Variants in SPATA6 observed in about 807,000 individuals in gnomAD.
SPATA6 encodes the protein spermatogenesis-associated protein 6.
A neutral mutation model predicts 65.3 loss-of-function variants in SPATA6; 56 were observed. The ratio of observed to expected loss-of-function variants is 0.86; its 90% CI spans 0.69 to 1.07. The LOEUF is 1.07. SPATA6 is among the 50% of genes least tolerant of loss of function. The pLI, the probability that SPATA6 is intolerant of heterozygous loss-of-function variation, is 0.00. For synonymous variants in SPATA6, 199 were observed against 213.2 expected, an observed-to-expected ratio of 0.93 and a Z score of 0.58; for missense variants, 590 against 594.8, an observed-to-expected ratio of 0.99 and a Z score of 0.08.
intron 3 of SPATA6, among the ~76,000 whole-genome samples, chr1:48,448,924 G>A (rs1257423271): frequency 2.0e-5 from 3 of 151,988 alleles, no homozygotes; most frequent in Non-Finnish European, 4.4e-5. Flanking sequence ...GACTTTTTGG[G>A]GTGGTAGAGA....
the SPATA6 span, among the ~76,000 whole-genome samples, chr1:48,280,332 C>T: frequency 4.6e-5 from 7 of 152,128 alleles, no homozygotes; most frequent in East Asian, 1.3e-3. Flanking sequence ...TAACTAAAAT[C>T]AGAGCAGAAC....
intron 11 of SPATA6, among the ~76,000 whole-genome samples, chr1:48,311,831 G>T (rs987530530): frequency 3.3e-5 from 5 of 152,204 alleles, no homozygotes; most frequent in Non-Finnish European, 5.9e-5. Flanking sequence ...AAGGAAAAGG[G>T]TGACAGATGG....
intron 9 of SPATA6, among the ~76,000 whole-genome samples, chr1:48,384,278 T>C (rs1242683764): frequency 1.5e-5 from 2 of 134,778 alleles, no homozygotes; most frequent in Non-Finnish European, 3.2e-5. Context: ...TGAGCCGAGA[T>C]GGCAGCAGTA....
At chr1:48,456,907 G>A (rs1657047906) in intron 1 of SPATA6, among the ~76,000 whole-genome samples, 1 of 152,044 alleles carries the variant, frequency 6.6e-6, no homozygotes, top group Non-Finnish European at 1.5e-5. Context: ...AATAGAATGA[G>A]AGCCTCAGAA....
At chr1:48,285,884 G>T in the SPATA6 span, among the ~76,000 whole-genome samples, 1 of 152,094 alleles carries the variant, frequency 6.6e-6, no homozygotes, top group African/African-American at 2.4e-5. Flanking sequence ...TTCCTATTCA[G>T]CCATCTTGCC....
At chr1:48,386,564 G>A (rs1355845806) in intron 8 of SPATA6, among the ~76,000 whole-genome samples, 2 of 152,170 alleles carry the variant, frequency 1.3e-5, no homozygotes, top group Non-Finnish European at 2.9e-5. Context: ...CTAAAGCAAG[G>A]AAGGAGAAGG....
chr1:48,291,458 G>A (rs531388305), downstream of SPATA6, among the ~76,000 whole-genome samples: 2 of 152,296 alleles, frequency 1.3e-5, no homozygotes, highest in East Asian at 1.9e-4. Context: ...ATGTTCCCAG[G>A]AGGAATATGG....
chr1:48,370,919 G>A (rs1570348182), intron 9 of SPATA6, among the ~76,000 whole-genome samples: 1 of 152,154 alleles, frequency 6.6e-6, no homozygotes, highest in African/African-American at 2.4e-5. Context: ...ACACAGCTAA[G>A]GAACAAACTG....
chr1:48,467,577 C>T (rs1029560639), intron 1 of SPATA6, among the ~76,000 whole-genome samples: 8 of 152,034 alleles, frequency 5.3e-5, no homozygotes, highest in African/African-American at 1.4e-4. Flanking sequence ...CAACCATCAA[C>T]AAGAGAATGG....
intron 3 of SPATA6, among the ~76,000 whole-genome samples, chr1:48,422,061 C>A (rs937716861): frequency 6.6e-6 from 1 of 151,928 alleles, no homozygotes; most frequent in Non-Finnish European, 1.5e-5. Flanking sequence ...CAGTCCAATA[C>A]AGATTTGGAA....
chr1:48,363,805 TTTA>T (rs1420961051), intron 9 of SPATA6, among the ~76,000 whole-genome samples: 1 of 151,644 alleles, frequency 6.6e-6, no homozygotes, highest in African/African-American at 2.4e-5. Flanking sequence ...TTAAATTTAT[TTTA>T]TTATTATTAT....
intron 6 of SPATA6, chr1:48,400,851 G>T (rs1449967095): frequency 5.5e-6 from 7 of 1,262,938 alleles, no homozygotes; most frequent in Non-Finnish European, 7.2e-6. Flanking sequence ...CTTGTTCAAT[G>T]ATTTCAAAAA....
chr1:48,373,205 A>G (rs1052705531), intron 9 of SPATA6, among the ~76,000 whole-genome samples: 3 of 152,260 alleles, frequency 2.0e-5, no homozygotes, highest in Non-Finnish European at 4.4e-5. Context: ...TGCCTTTAAT[A>G]GCACCCAAGT....
intron 3 of SPATA6, among the ~76,000 whole-genome samples, chr1:48,426,299 G>T (rs1254383805): frequency 6.6e-6 from 1 of 152,138 alleles, no homozygotes; most frequent in Non-Finnish European, 1.5e-5. Flanking sequence ...AACTGGAAAG[G>T]GGTTTGTTCA....
chr1:48,393,718 A>G (rs998892848), intron 8 of SPATA6, among the ~76,000 whole-genome samples: 4 of 152,098 alleles, frequency 2.6e-5, no homozygotes, highest in Non-Finnish European at 5.9e-5. Context: ...AGTTCTGAAG[A>G]CTGAAAATTA....
chr1:48,399,400 G>A lies in SPATA6; in HGVS notation c.731C>T (p.Pro244Leu), dbSNP rs773370804. 2 of 1,612,784 alleles carry A rather than the reference G, an allele frequency of 1.2e-6. No individual in the cohort carries two copies. Among genetic ancestry groups the A allele is most frequent in the African/African-American group, 2.7e-5 (2 of 74,774 alleles). Residue 244 changes from proline (P) to leucine (L), a missense_variant, in exon 7 of 13, where the codon CCC becomes CTC. Transcript: ENST00000371847. ...ATCTGTTTCTTTTTTGAACTCATAG[G>A]GTCCCAGATTTAAATGGGCCAGCCG... ...RRRLAHLNLGPYEFKKETDKP... is the reference protein window; with the variant it reads ...RRRLAHLNLGLYEFKKETDKP...
chr1:48,418,492 G>T (rs754765860), intron 3 of SPATA6, among the ~76,000 whole-genome samples: 1 of 133,520 alleles, frequency 7.5e-6, no homozygotes, highest in Non-Finnish European at 1.5e-5. Flanking sequence ...AGGGTTGCTT[G>T]AGCCCCGGAG....
intron 9 of SPATA6, among the ~76,000 whole-genome samples, chr1:48,364,649 G>C (rs1233427205): frequency 6.6e-6 from 1 of 152,052 alleles, no homozygotes; most frequent in Non-Finnish European, 1.5e-5. Context: ...TGATGGGGTT[G>C]TTTTTTTCTT....
intron 3 of SPATA6, among the ~76,000 whole-genome samples, chr1:48,446,876 T>C (rs72679341): frequency 0.019 from 2,841 of 152,200 alleles, 34 homozygotes; most frequent in Non-Finnish European, 0.03. Flanking sequence ...CAAAATACAG[T>C]TGACCTTGAA....
Sources: gnomAD v4.1 joint callset for allele counts (sites outside exome capture counted in the v4.1 genomes callset) on GRCh38, gnomAD v4.1.1 for gene constraint, MANE v1.5 for transcripts, NCBI Gene and HGNC (gene_info 2026-07-23, HGNC 2026-07-21) for gene names.